Variants in SOX5 observed in about 807,000 individuals in gnomAD.
The protein encoded by SOX5 is transcription factor SOX-5.
SOX5 carries 9 observed loss-of-function variants against 92.0 expected under a neutral mutation model. That is an observed-to-expected ratio of 0.10 (90% CI 0.06 to 0.17). The LOEUF (loss-of-function observed/expected upper bound fraction) is 0.17, where lower values mean the gene tolerates loss of function less well. Ranked by LOEUF, SOX5 falls within the 10% of genes least tolerant of loss-of-function variation. SOX5 has a pLI of 1.00. For missense variants in SOX5, 642 were observed against 944.5 expected (o/e 0.68, Z 4.20); for synonymous variants, 344 against 336.3 (o/e 1.02, Z -0.25).
intron 3 of SOX5, among the ~76,000 whole-genome samples, chr12:23,795,533 G>A (rs745728404): frequency 6.6e-6 from 1 of 152,046 alleles, no homozygotes; most frequent in African/African-American, 2.4e-5. Flanking sequence ...GCATCAGATC[G>A]AGCCAAATGT....
intron 6 of SOX5, among the ~76,000 whole-genome samples, chr12:23,710,703 G>A (rs927848026): frequency 1.3e-5 from 2 of 152,296 alleles, no homozygotes; most frequent in Admixed American, 6.5e-5. Flanking sequence ...ATAAACAAAC[G>A]TGTGCATGTG....
At chr12:23,628,629 T>C (rs973179326) in intron 8 of SOX5, among the ~76,000 whole-genome samples, 3 of 151,888 alleles carry the variant, frequency 2.0e-5, no homozygotes, top group African/African-American at 7.2e-5. Flanking sequence ...CAAGGAGCAG[T>C]TGGATAAGAA....
At chr12:24,426,315 T>C (rs1360736053) in intron 1 of SOX5, among the ~76,000 whole-genome samples, 1 of 73,424 alleles carries the variant, frequency 1.4e-5, no homozygotes, top group African/African-American at 5.4e-5. Flanking sequence ...TGTCGGGGGG[T>C]GGGGACCTGG....
In SOX5 at chr12:24,548,106, A is replaced by G. The variant is rs1952820783; in HGVS notation, c.-251+14223T>C. On this transcript the variant is annotated intron_variant, in intron 1 of 4. Coordinates refer to the SOX5 transcript ENST00000446891. Reference sequence around the variant, plus strand: ...ATGGCTTCATAAAGTAAATGTAATTATACCCATTCTGCAGATGAGGAATCA... The same window carrying G: ...ATGGCTTCATAAAGTAAATGTAATTGTACCCATTCTGCAGATGAGGAATCA... Among the ~76,000 whole-genome samples, 4 of 152,214 alleles carry G rather than the reference A, an allele frequency of 2.6e-5. No homozygotes were observed. The South Asian group carries it at 8.3e-4, about 31-fold the overall frequency.
At chr12:23,660,890 T>G (rs914012395) in intron 7 of SOX5, among the ~76,000 whole-genome samples, 1 of 152,200 alleles carries the variant, frequency 6.6e-6, no homozygotes. Context: ...GTTCACATAG[T>G]GTCCAATAGA....
At chr12:23,938,524 G>T (rs555114831) in intron 1 of SOX5, among the ~76,000 whole-genome samples, 2 of 151,110 alleles carry the variant, frequency 1.3e-5, no homozygotes, top group East Asian at 3.9e-4. Context: ...GTTTTCAGTT[G>T]TTCAATCATT....
At chr12:23,577,356 C>T (rs929268538) in intron 9 of SOX5, among the ~76,000 whole-genome samples, 2 of 151,064 alleles carry the variant, frequency 1.3e-5, no homozygotes, top group African/African-American at 4.9e-5. Flanking sequence ...CACACCACCA[C>T]GTCCGGCTAA....
intron 6 of SOX5, among the ~76,000 whole-genome samples, chr12:23,728,487 C>T (rs1342165069): frequency 6.6e-6 from 1 of 152,112 alleles, no homozygotes; most frequent in Non-Finnish European, 1.5e-5. Context: ...CATACATCAG[C>T]AGGTCAGTTA....
chr12:24,559,026 A>T (rs1390882205), intron 1 of SOX5, among the ~76,000 whole-genome samples: 2 of 152,220 alleles, frequency 1.3e-5, no homozygotes, highest in Non-Finnish European at 2.9e-5. Context: ...TTAACATATG[A>T]AAACCAAATG....
intron 4 of SOX5, among the ~76,000 whole-genome samples, chr12:23,747,116 A>C (rs1017856607): frequency 1.3e-5 from 2 of 152,068 alleles, no homozygotes; most frequent in Non-Finnish European, 2.9e-5. Flanking sequence ...CTAATACACC[A>C]TCCATACATT....
chr12:24,093,101 C>G (rs377218566), intron 4 of SOX5, among the ~76,000 whole-genome samples: 1 of 152,126 alleles, frequency 6.6e-6, no homozygotes, highest in African/African-American at 2.4e-5. Context: ...ACTAAAGTTT[C>G]GGAGTGGTCT....
At position 24,011,389 on chromosome 12, in the gene SOX5, G is replaced by A. The variant is rs757647184; in HGVS notation, c.-1-115365C>T. On this transcript the variant is annotated intron_variant, in intron 4 of 4. Transcript: ENST00000446891. ...CTATTTTTTCAGGATTGGGAAATAC[G>A]TTTTATTTTACCAAAATTGTAGATG... Among the ~76,000 whole-genome samples the A allele has an allele frequency of 3.3e-5, 5 of 152,090 alleles. No homozygotes were observed. In the South Asian group the frequency reaches 6.2e-4, roughly 19 times the overall value.
chr12:24,110,900 CAAAAAAAA>C (rs67100585), intron 4 of SOX5, among the ~76,000 whole-genome samples: 60 of 27,588 alleles, frequency 2.2e-3, no homozygotes, highest in Admixed American at 5.5e-3. Context: ...GACTCCACTT[CAAAAAAAA>C]AAAAAAAAAA....
chr12:23,806,816 T>C (rs1486933743), intron 3 of SOX5, among the ~76,000 whole-genome samples: 2 of 152,108 alleles, frequency 1.3e-5, no homozygotes, highest in Non-Finnish European at 2.9e-5. Flanking sequence ...AGTCACAAGG[T>C]ACTATAATTT....
chr12:23,655,254 T>C (rs1479924933), intron 7 of SOX5, among the ~76,000 whole-genome samples: 4 of 152,118 alleles, frequency 2.6e-5, no homozygotes, highest in South Asian at 4.1e-4. Context: ...GAATCAAATA[T>C]GTCTCCTTTT....
intron 2 of SOX5, among the ~76,000 whole-genome samples, chr12:24,361,658 T>G (rs1955574394): frequency 6.6e-6 from 1 of 152,100 alleles, no homozygotes; most frequent in African/African-American, 2.4e-5. Context: ...CGCATGCACG[T>G]GCGCACACGC....
chr12:24,298,236 A>G (rs950279257), intron 2 of SOX5, among the ~76,000 whole-genome samples: 4 of 151,974 alleles, frequency 2.6e-5, no homozygotes, highest in African/African-American at 9.7e-5. Flanking sequence ...CGTCCAGCTA[A>G]TTTTTGTGTT....
intron 6 of SOX5, among the ~76,000 whole-genome samples, chr12:23,708,820 G>T (rs1164345823): frequency 1.3e-5 from 2 of 152,168 alleles, no homozygotes; most frequent in Non-Finnish European, 2.9e-5. Context: ...TGGGAGACTG[G>T]TGATAATATC....
chr12:23,982,502 C>T (rs1234037402), intron 4 of SOX5, among the ~76,000 whole-genome samples: 1 of 152,130 alleles, frequency 6.6e-6, no homozygotes, highest in African/African-American at 2.4e-5. Flanking sequence ...CTGGGATACA[C>T]TGGTCACTCA....
Sources: allele counts gnomAD v4.1 joint callset (sites outside exome capture counted in the v4.1 genomes callset), GRCh38; gene constraint gnomAD v4.1.1; transcripts MANE v1.5; gene names NCBI Gene and HGNC (gene_info 2026-07-23, HGNC 2026-07-21).